DHX57: variants seen among roughly 807,000 people sequenced by gnomAD.
The protein encoded by DHX57 is putative ATP-dependent RNA helicase DHX57.
DHX57 carries 105 observed loss-of-function variants against 156.2 expected under a neutral mutation model. That is an observed-to-expected ratio of 0.67 (90% CI 0.57 to 0.79). The LOEUF (loss-of-function observed/expected upper bound fraction) is 0.79, where lower values mean the gene tolerates loss of function less well. DHX57 is among the 30% of genes least tolerant of loss of function. DHX57 has a pLI of 0.00. For synonymous variants in DHX57, 704 were observed against 595.6 expected (o/e 1.18, Z -2.65); for missense variants, 1,847 against 1,661.9 (o/e 1.11, Z -1.94).
intron 5 of DHX57, among the ~76,000 whole-genome samples, chr2:38,859,471 G>A (rs1673072136): frequency 6.6e-6 from 1 of 152,192 alleles, no homozygotes; most frequent in Admixed American, 6.5e-5. Context: ...GGTTATTGTT[G>A]CATAATTCTA....
chr2:38,872,815 C>A (rs1055211469), intron 1 of DHX57, among the ~76,000 whole-genome samples: 1 of 152,082 alleles, frequency 6.6e-6, no homozygotes, highest in Non-Finnish European at 1.5e-5. Flanking sequence ...AATGGTAGAA[C>A]AACTAGACAG....
intron 1 of DHX57, among the ~76,000 whole-genome samples, chr2:38,869,641 G>A (rs1665262636): frequency 6.6e-6 from 1 of 152,210 alleles, no homozygotes; most frequent in Non-Finnish European, 1.5e-5. Flanking sequence ...AATCGTAGGA[G>A]GGAAATAGAC....
Position 38,868,295 on chromosome 2 carries a change from A to G in DHX57, c.111T>C (p.Gly37=). 1 of 1,487,356 alleles carries G rather than the reference A, an allele frequency of 6.7e-7. No homozygotes were observed. The highest frequency in any genetic ancestry group is 2.8e-5 in the East Asian group (1 of 36,308). 92.1% of individuals were successfully genotyped at this position (1,487,356 alleles called of 1,614,324 possible). ...CACCACCACCACCACCGCCACCGCCACCACTCCCATGAGATTTACTGGCGT... is the reference window on the plus strand; with the variant it reads ...CACCACCACCACCACCGCCACCGCCGCCACTCCCATGAGATTTACTGGCGT... ...RSHASKSHGS[G]GGGGGGGGGG... The change falls in exon 2 of 24, where the codon GGT becomes GGC. Residue 37 remains glycine (G), a synonymous_variant. Transcript: ENST00000457308.
intron 22 of DHX57, among the ~76,000 whole-genome samples, chr2:38,803,190 C>T (rs889217147): frequency 6.6e-6 from 1 of 151,992 alleles, no homozygotes; most frequent in African/African-American, 2.4e-5. Flanking sequence ...GTTGCCCAGG[C>T]TGGTCTCGAA....
intron 13 of DHX57, among the ~76,000 whole-genome samples, chr2:38,835,276 G>C (rs1671593804): frequency 6.6e-6 from 1 of 152,140 alleles, no homozygotes; most frequent in Admixed American, 6.6e-5. Flanking sequence ...AGGCAGGAAG[G>C]GATAGGCTAA....
intron 10 of DHX57, 42 bp from the exon 11 acceptor site, chr2:38,847,115 C>G: frequency 6.8e-7 from 1 of 1,467,206 alleles, no homozygotes; most frequent in Non-Finnish European, 9.5e-7. Context: ...TGAGAACACC[C>G]ATTCAACCAT....
At chr2:38,838,096 C>A in intron 12 of DHX57, 149 bp from the exon 13 acceptor site, 2 of 614,440 alleles carry the variant, frequency 3.3e-6, no homozygotes, top group East Asian at 5.7e-5. Context: ...CTGAAATGAA[C>A]TTTTTTCTTT....
At chr2:38,869,029 T>C (rs1332567014) in intron 1 of DHX57, among the ~76,000 whole-genome samples, 2 of 152,214 alleles carry the variant, frequency 1.3e-5, no homozygotes, top group Admixed American at 1.3e-4. Flanking sequence ...CTCGAACTCA[T>C]GACCTCAAGT....
intron 23 of DHX57, 58 bp from the exon 24 acceptor site, chr2:38,798,500 G>A: frequency 1.3e-6 from 2 of 1,519,664 alleles, no homozygotes; most frequent in Non-Finnish European, 1.8e-6. Flanking sequence ...ATAGGTTATT[G>A]GAGGGAAATA....
Position 38,823,227 on chromosome 2 carries a change from A to G in DHX57, c.3057T>C (p.Ser1019=). ...LEMFSAHNLQ[S]VFSRLIEPPH... ...GAGGTTCAATGAGCCGAGAGAACAC[A>G]GACTGGAGATTATGAGCACTAAACA... The change falls in exon 17 of 24, where the codon TCT becomes TCC. Residue 1019 remains serine (S), a synonymous_variant. Transcript: ENST00000457308. The G allele has an allele frequency of 6.2e-7, 1 of 1,614,236 alleles. No individual in the cohort carries two copies. Among genetic ancestry groups the G allele is most frequent in the Non-Finnish European group, 8.5e-7 (1 of 1,180,046 alleles).
At chr2:38,814,278 T>G (rs1269008467) in intron 20 of DHX57, among the ~76,000 whole-genome samples, 54 of 152,274 alleles carry the variant, frequency 3.5e-4, no homozygotes, top group Non-Finnish European at 1.5e-5. Flanking sequence ...GATTTACCGT[T>G]TTATTATATT....
chr2:38,838,667 C>G (rs1040707379), intron 12 of DHX57: 2 of 391,774 alleles, frequency 5.1e-6, no homozygotes. Context: ...TAACACTAAC[C>G]TATGGCAATC....
chr2:38,803,091 T>C (rs1669773037), intron 22 of DHX57, 176 bp from the exon 23 acceptor site: 3 of 637,326 alleles, frequency 4.7e-6, no homozygotes, highest in Non-Finnish European at 8.1e-6. Context: ...CATCTCCTCT[T>C]GGACATTTAA....
chr2:38,828,205 G>A (rs1380108523), intron 14 of DHX57, 135 bp downstream of exon 14: 1 of 558,248 alleles, frequency 1.8e-6, no homozygotes, highest in Middle Eastern at 2.7e-4. Flanking sequence ...GCAGCAAATA[G>A]GTTTGCTCAT....
intron 21 of DHX57, among the ~76,000 whole-genome samples, chr2:38,809,460 T>C (rs1670124971): frequency 2.0e-5 from 2 of 98,822 alleles, no homozygotes; most frequent in African/African-American, 5.7e-5. Flanking sequence ...CTTTCTGTTT[T>C]TTTTTTTTCT....
In DHX57 at chr2:38,861,733, A is replaced by C. The variant is rs756663308; in HGVS notation, c.677T>G (p.Phe226Cys). The stretch of plus-strand genomic sequence containing the variant: ...CTCAGAGATCTTCATCCTCTCTCCA[A>C]ATGTCTCTGAAAAACACTGGGTAAG... ...HLLTQCFSET[F>C]GERMKISEAV... The change falls in exon 5 of 24, where the codon TTT becomes TGT. Residue 226 changes from phenylalanine (F) to cysteine (C), a missense_variant. Physicochemically the swap from Phe to Cys is radical, Grantham distance 205. Coordinates refer to ENST00000457308, the MANE Select transcript of DHX57 (RefSeq NM_198963.3). The C allele has an allele frequency of 9.3e-6, 15 of 1,614,100 alleles. No individual in the cohort carries two copies. Among genetic ancestry groups the C allele is most frequent in the African/African-American group, 1.3e-5 (1 of 75,018 alleles).
chr2:38,855,968 T>C (rs2124917078), intron 7 of DHX57, among the ~76,000 whole-genome samples: 1 of 152,222 alleles, frequency 6.6e-6, no homozygotes, highest in South Asian at 2.1e-4. Context: ...GGTATGGTGG[T>C]GCACCACAGT....
intron 12 of DHX57, among the ~76,000 whole-genome samples, chr2:38,840,299 G>C (rs1433841178): frequency 6.6e-6 from 1 of 152,014 alleles, no homozygotes; most frequent in East Asian, 1.9e-4. Flanking sequence ...AGAAAAACTA[G>C]AAAATGCCTT....
At chr2:38,824,982 G>A (rs1178381900) in intron 16 of DHX57, among the ~76,000 whole-genome samples, 1 of 152,070 alleles carries the variant, frequency 6.6e-6, no homozygotes, top group Non-Finnish European at 1.5e-5. Flanking sequence ...AAATTAATCT[G>A]CATTGTGTCC....
Sources: gnomAD v4.1 joint callset for allele counts (sites outside exome capture counted in the v4.1 genomes callset) on GRCh38, gnomAD v4.1.1 for gene constraint, MANE v1.5 for transcripts, NCBI Gene and HGNC (gene_info 2026-07-23, HGNC 2026-07-21) for gene names.